Variants in ENTREP2 observed in about 807,000 individuals in gnomAD.
The protein encoded by ENTREP2 is protein ENTREP2.
At chr15:29,567,629 C>T in the ENTREP2 span, among the ~76,000 whole-genome samples, 11 of 152,128 alleles carry the variant, frequency 7.2e-5, no homozygotes, top group Non-Finnish European at 1.2e-4. Flanking sequence ...ATGGCTAAGG[C>T]AAATCAGAGG....
the ENTREP2 span, among the ~76,000 whole-genome samples, chr15:29,668,376 A>T: frequency 4.6e-5 from 7 of 152,186 alleles, no homozygotes; most frequent in Non-Finnish European, 7.3e-5. Flanking sequence ...AAAATTAAAC[A>T]TATAATTACC....
the ENTREP2 span, among the ~76,000 whole-genome samples, chr15:29,179,475 G>A: frequency 6.6e-6 from 1 of 152,224 alleles, no homozygotes; most frequent in African/African-American, 2.4e-5. Context: ...GGCTGAAGGG[G>A]CATGGAATTG....
the ENTREP2 span, among the ~76,000 whole-genome samples, chr15:29,449,439 A>G: frequency 6.6e-6 from 1 of 152,180 alleles, no homozygotes; most frequent in Non-Finnish European, 1.5e-5. Flanking sequence ...CAGGAAGAAG[A>G]AGGAGCTTGG....
chr15:29,369,630 C>A, the ENTREP2 span, among the ~76,000 whole-genome samples: 4 of 152,028 alleles, frequency 2.6e-5, no homozygotes, highest in East Asian at 7.7e-4. Context: ...GGTGCACGAG[C>A]GTGTGCAAAA....
At chr15:29,310,352 CAAGA>C in the ENTREP2 span, among the ~76,000 whole-genome samples, 1 of 152,120 alleles carries the variant, frequency 6.6e-6, no homozygotes, top group Admixed American at 6.5e-5. Flanking sequence ...GGAGCTCAAC[CAAGA>C]AAGAAAGGGC....
chr15:29,465,518 A>G, the ENTREP2 span, among the ~76,000 whole-genome samples: 6 of 152,088 alleles, frequency 3.9e-5, no homozygotes, highest in South Asian at 1.2e-3. Flanking sequence ...GACCATAAAC[A>G]CCTTCTGATA....
At chr15:29,290,484 C>T in the ENTREP2 span, among the ~76,000 whole-genome samples, 1 of 152,232 alleles carries the variant, frequency 6.6e-6, no homozygotes, top group Non-Finnish European at 1.5e-5. Context: ...ATAACACTCA[C>T]CTGCATCTGG....
the ENTREP2 span, among the ~76,000 whole-genome samples, chr15:29,325,534 A>C: frequency 1.3e-5 from 2 of 152,158 alleles, no homozygotes; most frequent in Non-Finnish European, 2.9e-5. Flanking sequence ...CATACAAATG[A>C]CCAAAACTCA....
the ENTREP2 span, among the ~76,000 whole-genome samples, chr15:29,463,089 C>T: frequency 2.0e-5 from 3 of 152,148 alleles, no homozygotes; most frequent in Admixed American, 2.0e-4. Context: ...ATAGGAATGG[C>T]GACTGAGATG....
chr15:29,285,440 T>C, the ENTREP2 span, among the ~76,000 whole-genome samples: 1 of 152,200 alleles, frequency 6.6e-6, no homozygotes. Flanking sequence ...GAATACTATA[T>C]ACAGCCTTTC....
At chr15:29,139,011 G>A in the ENTREP2 span, among the ~76,000 whole-genome samples, 2 of 152,112 alleles carry the variant, frequency 1.3e-5, no homozygotes, top group African/African-American at 4.8e-5. Flanking sequence ...GAGCCTGTAA[G>A]GGTGTTGGAG....
At chr15:29,538,517 G>A in the ENTREP2 span, among the ~76,000 whole-genome samples, 8 of 151,976 alleles carry the variant, frequency 5.3e-5, no homozygotes, top group Non-Finnish European at 8.8e-5. Flanking sequence ...CTTTTGGGCC[G>A]GGCGCAGTGG....
At chr15:29,418,113 T>C in the ENTREP2 span, among the ~76,000 whole-genome samples, 6 of 152,220 alleles carry the variant, frequency 3.9e-5, no homozygotes, top group African/African-American at 1.4e-4. Context: ...GTCTAAGTTA[T>C]GCACATCAGA....
chr15:29,373,408 G>A, the ENTREP2 span, among the ~76,000 whole-genome samples: 14 of 152,218 alleles, frequency 9.2e-5, no homozygotes, highest in East Asian at 2.3e-3. Flanking sequence ...TGAGATAGGG[G>A]AGCAAAAAGA....
At chr15:29,305,069 T>C in the ENTREP2 span, among the ~76,000 whole-genome samples, 1 of 152,216 alleles carries the variant, frequency 6.6e-6, no homozygotes, top group Admixed American at 6.5e-5. Context: ...GTGAGCTCCA[T>C]GAGGGCTGAG....
the ENTREP2 span, among the ~76,000 whole-genome samples, chr15:29,607,317 TTTGTC>T: frequency 1.6e-3 from 236 of 151,882 alleles, no homozygotes; most frequent in Non-Finnish European, 2.8e-3. Flanking sequence ...TTTTTTTTTT[TTTGTC>T]TTATTTCACC....
the ENTREP2 span, among the ~76,000 whole-genome samples, chr15:29,189,271 A>T: frequency 6.6e-4 from 100 of 152,250 alleles, no homozygotes; most frequent in Non-Finnish European, 1.2e-3. Context: ...CCAGGTAAAG[A>T]GTGTCAGAAT....
chr15:29,646,888 G>A, the ENTREP2 span, among the ~76,000 whole-genome samples: 1 of 152,124 alleles, frequency 6.6e-6, no homozygotes, highest in Non-Finnish European at 1.5e-5. Flanking sequence ...CACTCACTCA[G>A]AGAAATCAAT....
chr15:29,235,102 C>T, the ENTREP2 span: 3 of 1,067,806 alleles, frequency 2.8e-6, no homozygotes, highest in Non-Finnish European at 4.4e-6. Flanking sequence ...TCCTCATGTC[C>T]CACAACAGAT....
Sources: allele counts gnomAD v4.1 joint callset (sites outside exome capture counted in the v4.1 genomes callset), GRCh38; gene constraint gnomAD v4.1.1; transcripts MANE v1.5; gene names NCBI Gene and HGNC (gene_info 2026-07-23, HGNC 2026-07-21).